RAI1: variants seen among roughly 807,000 people sequenced by gnomAD.
RAI1 encodes the protein retinoic acid-induced protein 1.
In RAI1, 9 loss-of-function variants were observed where a neutral mutation model predicts 123.8. The observed-to-expected ratio is 0.07, with a 90% CI of 0.04 to 0.13. RAI1 has a LOEUF of 0.13. Among genes scored for constraint, RAI1 ranks in the 10% least tolerant of loss-of-function variants. RAI1 has a pLI of 1.00. For missense variants in RAI1, 2,256 were observed against 2,545.8 expected, an observed-to-expected ratio of 0.89 and a Z score of 2.45; for synonymous variants, 1,231 against 1,127.3, an observed-to-expected ratio of 1.09 and a Z score of -1.84.
At chr17:17,777,420 C>T (rs1272826290) in intron 2 of RAI1, 1 of 152,268 alleles carries the variant, frequency 6.6e-6, no homozygotes. Flanking sequence ...TGCAAGATCT[C>T]AGGCAATAGG....
chr17:17,764,613 CA>C (rs2030846396), intron 2 of RAI1, among the ~76,000 whole-genome samples: 1 of 152,112 alleles, frequency 6.6e-6, no homozygotes, highest in Admixed American at 6.5e-5. Context: ...GCTGGGATTA[CA>C]GGTGCCTGCC....
intron 2 of RAI1, chr17:17,778,507 C>T: frequency 2.9e-6 from 1 of 347,564 alleles, no homozygotes; most frequent in Non-Finnish European, 5.7e-6. Flanking sequence ...TGCCCAAGGT[C>T]ACCCAGCATA....
intron 2 of RAI1, among the ~76,000 whole-genome samples, chr17:17,728,252 T>C (rs1317672124): frequency 1.3e-5 from 2 of 151,996 alleles, no homozygotes; most frequent in Non-Finnish European, 2.9e-5. Context: ...TTTGTGCTGC[T>C]TCAAGGTTGT....
chr17:17,795,640 A>G lies in RAI1; in HGVS notation c.2692A>G (p.Ile898Val), dbSNP rs200306885. The change falls in exon 3 of 6, where the codon ATC becomes GTC. Residue 898 changes from isoleucine to valine, a missense_variant. Transcript: ENST00000353383. This position sits in a 1 kb window ranked among gnomAD's most constrained non-coding sequence, Gnocchi z 5.9. ...CCCGCTGTCACCCAAGGCCCCACTC[A>G]TCTGCACCAAGGAGGAGGTGGAGGA... is the stretch of plus-strand genomic sequence containing the variant. Reference protein sequence around the residue: ...QDPLSPKAPLICTKEEVEEVL... With the variant: ...QDPLSPKAPLVCTKEEVEEVL... 2.8e-5 allele frequency: 45 copies of G among 1,613,138 alleles called. No homozygotes were observed. Among genetic ancestry groups the G allele is most frequent in the Non-Finnish European group, 3.7e-5 (44 of 1,179,938 alleles).
intron 2 of RAI1, among the ~76,000 whole-genome samples, chr17:17,764,197 G>C (rs2030821616): frequency 6.6e-6 from 1 of 152,230 alleles, no homozygotes; most frequent in African/African-American, 2.4e-5. Flanking sequence ...CCTTGGGAGG[G>C]ATTGAGTAGA....
intron 1 of RAI1, among the ~76,000 whole-genome samples, chr17:17,696,200 T>C (rs1476935138): frequency 2.0e-5 from 3 of 152,244 alleles, no homozygotes; most frequent in Admixed American, 2.0e-4. Flanking sequence ...TTTCTGTAGA[T>C]GTATGATAAA....
chr17:17,727,350 C>G (rs1163631899), intron 2 of RAI1, among the ~76,000 whole-genome samples: 1 of 152,236 alleles, frequency 6.6e-6, no homozygotes, highest in Non-Finnish European at 1.5e-5. Context: ...AGCGAAGACC[C>G]AGCTACTGAT....
intron 2 of RAI1, among the ~76,000 whole-genome samples, chr17:17,751,595 A>G (rs1412614779): frequency 1.3e-5 from 2 of 152,346 alleles, no homozygotes; most frequent in East Asian, 3.9e-4. Context: ...TGTCACTGCC[A>G]TAACTCTTCC....
rs1250664014 is a variant in RAI1, at chr17:17,810,345, G to A, written c.*364G>A. 5 of 351,016 alleles carry A rather than the reference G, an allele frequency of 1.4e-5. No individual in the cohort carries two copies. The highest frequency in any genetic ancestry group is 1.1e-4 in the African/African-American group (5 of 45,954). 21.7% of individuals were successfully genotyped at this position (351,016 alleles called of 1,614,324 possible). On this transcript the variant is annotated 3_prime_UTR_variant, in exon 6 of 6. Coordinates refer to ENST00000353383, the MANE Select transcript of RAI1 (RefSeq NM_030665.4). This position sits in a 1 kb window ranked among gnomAD's most constrained non-coding sequence, Gnocchi z 4.6. The stretch of plus-strand genomic sequence containing the variant: ...TTTGTCCTGGGGACACTTTCCCTCT[G>A]GAATCTCAAGACGACGTGGCACACA...
At position 17,797,630 on chromosome 17, in the gene RAI1, G is replaced by T. The variant is rs755678482; in HGVS notation, c.4682G>T (p.Arg1561Leu). Residue 1561 changes from arginine (R) to leucine (L), a missense_variant, in exon 3 of 6, where the codon CGA (arginine) becomes CTA (leucine). Coordinates refer to ENST00000353383, the MANE Select transcript of RAI1 (RefSeq NM_030665.4). ...TGTAAGGGGCGTGCCAAGCGACGAC[G>T]ACAGCAGCAGGTGCTGCCCCTGGAT... is the stretch of plus-strand genomic sequence containing the variant. ...SPCKGRAKRRRQQQVLPLDPA... is the reference protein window; with the variant it reads ...SPCKGRAKRRLQQQVLPLDPA... 2 of 1,613,904 alleles carry T rather than the reference G, an allele frequency of 1.2e-6. No homozygotes were observed. The highest frequency in any genetic ancestry group is 1.7e-6 in the Non-Finnish European group (2 of 1,180,034).
At chr17:17,696,363 C>T (rs1296081321) in intron 1 of RAI1, among the ~76,000 whole-genome samples, 1 of 152,132 alleles carries the variant, frequency 6.6e-6, no homozygotes, top group Non-Finnish European at 1.5e-5. Flanking sequence ...CACCCGTACT[C>T]TCAGTCTCCA....
At chr17:17,709,659 G>T (rs1412554013) in intron 1 of RAI1, among the ~76,000 whole-genome samples, 1 of 152,208 alleles carries the variant, frequency 6.6e-6, no homozygotes, top group Non-Finnish European at 1.5e-5. Flanking sequence ...CCTTCTCTGG[G>T]CCAAGGAGCT....
At chr17:17,754,072 T>C (rs2030325003) in intron 2 of RAI1, among the ~76,000 whole-genome samples, 1 of 152,014 alleles carries the variant, frequency 6.6e-6, no homozygotes, top group Non-Finnish European at 1.5e-5. Flanking sequence ...GTTGTACAAG[T>C]TGTACATTGT....
intron 2 of RAI1, among the ~76,000 whole-genome samples, chr17:17,754,191 C>CTTTTTTTTTTTTTT (rs1158475382): frequency 2.6e-5 from 2 of 75,720 alleles, no homozygotes; most frequent in Non-Finnish European, 2.5e-5. Flanking sequence ...CTAACCCAAT[C>CTTTTTTTTTTTTTT]TTTTTTTTTT....
intron 2 of RAI1, among the ~76,000 whole-genome samples, chr17:17,786,210 T>G (rs1237201882): frequency 6.6e-6 from 1 of 152,128 alleles, no homozygotes; most frequent in Non-Finnish European, 1.5e-5. Context: ...AGATGTTCTT[T>G]GTCAAATGAA....
At chr17:17,712,639 G>A (rs1177797709) in intron 1 of RAI1, among the ~76,000 whole-genome samples, 1 of 152,234 alleles carries the variant, frequency 6.6e-6, no homozygotes, top group East Asian at 1.9e-4. Context: ...GTGGGGCAAG[G>A]ATGGGCCTAG....
At chr17:17,730,400 G>T (rs1916232049) in intron 2 of RAI1, among the ~76,000 whole-genome samples, 1 of 152,250 alleles carries the variant, frequency 6.6e-6, no homozygotes, top group African/African-American at 2.4e-5. Flanking sequence ...GTGCTGATGG[G>T]GTTGTGGTGG....
chr17:17,760,523 G>A (rs761853561), intron 2 of RAI1, among the ~76,000 whole-genome samples: 4 of 152,184 alleles, frequency 2.6e-5, no homozygotes, highest in Non-Finnish European at 5.9e-5. Flanking sequence ...CTGGGTCCCC[G>A]CCATGGAGAG....
chr17:17,741,537 G>C (rs1916636912), intron 2 of RAI1, among the ~76,000 whole-genome samples: 1 of 152,190 alleles, frequency 6.6e-6, no homozygotes, highest in Non-Finnish European at 1.5e-5. Flanking sequence ...ACTCGTCCTC[G>C]GCTCTCTGCC....
Sources: gnomAD v4.1 joint callset for allele counts (sites outside exome capture counted in the v4.1 genomes callset) on GRCh38, gnomAD v4.1.1 for gene constraint, Gnocchi (gnomAD v3.1) non-coding constraint, MANE v1.5 for transcripts, NCBI Gene and HGNC (gene_info 2026-07-23, HGNC 2026-07-21) for gene names.